The following RYR3 variants were observed in gnomAD, a reference collection of about 807,000 sequenced individuals.
RYR3 encodes the protein ryanodine receptor 3.
RYR3 carries 207 observed loss-of-function variants against 584.3 expected under a neutral mutation model. The ratio of observed to expected loss-of-function variants is 0.35; its 90% CI spans 0.32 to 0.40. The LOEUF (loss-of-function observed/expected upper bound fraction) is 0.40, where lower values mean the gene tolerates loss of function less well. Ranked by LOEUF, RYR3 falls within the 10% of genes least tolerant of loss-of-function variation. The pLI is 1.00. For missense variants in RYR3, 5,616 were observed against 6,089.2 expected (o/e 0.92, Z 2.59); for synonymous variants, 2,416 against 2,248.5 (o/e 1.07, Z -2.11).
chr15:33,508,358 A>T (rs2142837037), intron 3 of RYR3, among the ~76,000 whole-genome samples: 1 of 152,248 alleles, frequency 6.6e-6, no homozygotes, highest in South Asian at 2.1e-4. Context: ...CAGCCTTTTA[A>T]CCTTGATTGG....
chr15:33,373,046 T>A (rs1289441316), intron 1 of RYR3, among the ~76,000 whole-genome samples: 1 of 152,196 alleles, frequency 6.6e-6, no homozygotes, highest in Non-Finnish European at 1.5e-5. Flanking sequence ...TTCTCACGTG[T>A]CTCTTGCCCA....
rs1207690218 is a variant in RYR3, at chr15:33,748,158, C to G, written c.8034C>G (p.Thr2678=). The G allele has an allele frequency of 1.9e-6, 3 of 1,613,870 alleles. No individual in the cohort carries two copies. Among genetic ancestry groups the G allele is most frequent in the Non-Finnish European group, 1.7e-6 (2 of 1,179,800 alleles). ...GGCCTGCGCGAGAGTCCCTGAAAAC[C>G]ATGCTGGCTGTGGGCTGGACTGTGG... is the stretch of plus-strand genomic sequence containing the variant. ...YRWPARESLK[T]MLAVGWTVER... Residue 2678 remains threonine (T), a synonymous_variant, in exon 54 of 104, where the codon ACC becomes ACG. Coordinates refer to ENST00000634891, the MANE Select transcript of RYR3 (RefSeq NM_001036.6).
intron 52 of RYR3, among the ~76,000 whole-genome samples, chr15:33,744,146 G>A (rs941941230): frequency 6.6e-6 from 1 of 152,074 alleles, no homozygotes; most frequent in South Asian, 2.1e-4. Context: ...TTCTCACAGC[G>A]TTCACCAACT....
intron 1 of RYR3, among the ~76,000 whole-genome samples, chr15:33,403,520 A>G (rs1261865778): frequency 6.6e-6 from 1 of 152,250 alleles, no homozygotes; most frequent in Admixed American, 6.5e-5. Context: ...TATGCCCAAT[A>G]CAGACTAAAT....
intron 48 of RYR3, among the ~76,000 whole-genome samples, chr15:33,734,396 G>A (rs2069225315): frequency 6.6e-6 from 1 of 152,148 alleles, no homozygotes; most frequent in African/African-American, 2.4e-5. Flanking sequence ...GTTTTTATGA[G>A]CCTCTATTTT....
At position 33,724,186 on chromosome 15, in the gene RYR3, AC is replaced by A; in HGVS notation, c.6912+11del. 1 of 1,485,214 alleles carries A rather than the reference AC, an allele frequency of 6.7e-7. No homozygotes were observed. Among genetic ancestry groups the A allele is most frequent in the Non-Finnish European group, 9.4e-7 (1 of 1,066,158 alleles). 92.0% of individuals were successfully genotyped at this position (1,485,214 alleles called of 1,614,324 possible). On this transcript the variant is annotated intron_variant, in intron 45 of 103. Transcript: ENST00000634891. ...TGCTCCTGAAATGCACGTAAGTGAT[AC>A]AGCTTCCAGAGAACAGCTTTGAGAA...
intron 12 of RYR3, among the ~76,000 whole-genome samples, chr15:33,577,851 A>T (rs1216082233): frequency 6.6e-6 from 1 of 152,180 alleles, no homozygotes; most frequent in Non-Finnish European, 1.5e-5. Flanking sequence ...ATGGGAGAAA[A>T]TTTTTGCAAT....
intron 91 of RYR3, 109 bp from the exon 92 acceptor site, chr15:33,843,379 G>A (rs1310883296): frequency 1.4e-6 from 1 of 711,176 alleles, no homozygotes; most frequent in East Asian, 2.8e-5. Context: ...TCAAAGAGTA[G>A]GACGAGTCAA....
At chr15:33,781,867 G>T (rs1209375082) in intron 65 of RYR3, among the ~76,000 whole-genome samples, 10 of 151,594 alleles carry the variant, frequency 6.6e-5, no homozygotes, top group East Asian at 3.9e-4. Flanking sequence ...AAAGGGGGGG[G>T]GGATTTCCAA....
chr15:33,553,786 C>G (rs762372322), intron 10 of RYR3, among the ~76,000 whole-genome samples: 2 of 152,144 alleles, frequency 1.3e-5, no homozygotes, highest in African/African-American at 2.4e-5. Flanking sequence ...TAGATCGGGC[C>G]TTGATTCTCA....
chr15:33,709,813 C>T (rs2066971309), intron 43 of RYR3, among the ~76,000 whole-genome samples: 2 of 152,256 alleles, frequency 1.3e-5, no homozygotes, highest in Middle Eastern at 3.4e-3. Flanking sequence ...ATACCTTAGT[C>T]TGGAGGGTAG....
intron 31 of RYR3, among the ~76,000 whole-genome samples, chr15:33,651,821 G>A (rs1350245049): frequency 6.6e-6 from 1 of 152,146 alleles, no homozygotes; most frequent in Non-Finnish European, 1.5e-5. Flanking sequence ...GAAAAGTCAT[G>A]TCATGTCACT....
At chr15:33,585,196 A>G (rs952436503) in intron 15 of RYR3, among the ~76,000 whole-genome samples, 1 of 152,316 alleles carries the variant, frequency 6.6e-6, no homozygotes, top group East Asian at 1.9e-4. Flanking sequence ...TCCCCCAAGG[A>G]TCATCCACCT....
intron 43 of RYR3, among the ~76,000 whole-genome samples, chr15:33,717,596 G>T (rs2067592940): frequency 6.6e-6 from 1 of 152,166 alleles, no homozygotes; most frequent in South Asian, 2.1e-4. Context: ...TGTGTAGGAG[G>T]AACTGAATTC....
At chr15:33,717,481 G>A (rs1415054987) in intron 43 of RYR3, among the ~76,000 whole-genome samples, 1 of 152,060 alleles carries the variant, frequency 6.6e-6, no homozygotes, top group African/African-American at 2.4e-5. Context: ...ACCAAGTTCT[G>A]TTGATTCAGC....
rs2057736208 is a variant in RYR3, at chr15:33,566,722, G to A, written c.1191G>A (p.Leu397=). The A allele has an allele frequency of 2.5e-6, 4 of 1,613,744 alleles. No individual in the cohort carries two copies. Among genetic ancestry groups the A allele is most frequent in the African/African-American group, 1.3e-5 (1 of 75,036 alleles). ...QEGHMDDGLT[L]QRCQREESQA... is the part of the protein sequence containing the mutation. ...GCCACATGGATGATGGATTAACACTGCAGAGATGCCAGCGTGAGGAGTCCC... is the reference window on the plus strand; with the variant it reads ...GCCACATGGATGATGGATTAACACTACAGAGATGCCAGCGTGAGGAGTCCC... Residue 397 remains leucine, a synonymous_variant, in exon 12 of 104, where the codon CTG becomes CTA. Transcript: ENST00000634891.
chr15:33,775,234 A>G (rs979184379), intron 64 of RYR3, among the ~76,000 whole-genome samples: 5 of 151,954 alleles, frequency 3.3e-5, no homozygotes, highest in Middle Eastern at 3.2e-3. Context: ...GGCTGTCCCT[A>G]TTGCTTTTTT....
intron 1 of RYR3, among the ~76,000 whole-genome samples, chr15:33,396,255 C>T (rs918972733): frequency 2.0e-5 from 3 of 152,070 alleles, no homozygotes; most frequent in Admixed American, 6.6e-5. Context: ...TGACAACTGC[C>T]GAATTTACAT....
chr15:33,848,240 A>C (rs1254982682), intron 93 of RYR3, 51 bp from the exon 94 acceptor site: 12 of 1,606,684 alleles, frequency 7.5e-6, no homozygotes, highest in Non-Finnish European at 1.0e-5. Flanking sequence ...TGGGAGCAGG[A>C]GCTTTAATCA....
Sources: gnomAD v4.1 joint callset for allele counts (sites outside exome capture counted in the v4.1 genomes callset) on GRCh38, gnomAD v4.1.1 for gene constraint, MANE v1.5 for transcripts, NCBI Gene and HGNC (gene_info 2026-07-23, HGNC 2026-07-21) for gene names.